TMPRSS2: variants seen among roughly 807,000 people sequenced by gnomAD.
TMPRSS2 encodes transmembrane serine protease 2, also known as transmembrane protease serine 2.
Under a neutral mutation model 67.4 loss-of-function variants are expected in TMPRSS2, and 59 were observed. The observed-to-expected ratio is 0.88, with a 90% CI of 0.71 to 1.09. TMPRSS2 has a LOEUF of 1.09. Ranked by LOEUF, TMPRSS2 falls within the 50% of genes least tolerant of loss-of-function variation. The pLI is 0.00. For missense variants in TMPRSS2, 668 were observed against 642.7 expected, an observed-to-expected ratio of 1.04 and a Z score of -0.43; for synonymous variants, 257 against 257.0, an observed-to-expected ratio of 1.00 and a Z score of 0.00.
At chr21:41,473,251 G>A in intron 9 of TMPRSS2, 74 bp downstream of exon 9, 1 of 1,469,322 alleles carries the variant, frequency 6.8e-7, no homozygotes, top group South Asian at 1.3e-5. Context: ...CAAGGGTTGA[G>A]ACCTGCTCAA....
chr21:41,464,839 A>G lies in TMPRSS2; in HGVS notation c.*1303T>C, dbSNP rs1159577028. 8.6e-6 allele frequency: 2 copies of G among 233,196 alleles called. No individual in the cohort carries two copies. The highest frequency in any genetic ancestry group is 4.4e-5 in the African/African-American group (2 of 45,350). 14.4% of individuals were successfully genotyped at this position (233,196 alleles called of 1,614,324 possible). On this transcript the variant is annotated 3_prime_UTR_variant, in exon 14 of 14. Transcript: ENST00000332149. ...TGGGATTGCATGACTTTCCATTTCAAGGTTAAGTCCTAGCTGTAGAATCAT... is the reference window on the plus strand; with the variant it reads ...TGGGATTGCATGACTTTCCATTTCAGGGTTAAGTCCTAGCTGTAGAATCAT...
chr21:41,502,611 G>A (rs771663515), intron 1 of TMPRSS2: 80 of 983,910 alleles, frequency 8.1e-5, no homozygotes, highest in Non-Finnish European at 9.4e-5. Flanking sequence ...TATACAACGA[G>A]ATGTTCTATC....
At chr21:41,506,999 A>G (rs1233325219) in intron 1 of TMPRSS2, among the ~76,000 whole-genome samples, 1 of 152,062 alleles carries the variant, frequency 6.6e-6, no homozygotes, top group African/African-American at 2.4e-5. Flanking sequence ...CCGCCGTGCT[A>G]TCCTTTCCTT....
chr21:41,467,995 G>A (rs868474926), intron 12 of TMPRSS2, 109 bp from the exon 13 acceptor site: 9 of 1,217,378 alleles, frequency 7.4e-6, no homozygotes, highest in South Asian at 5.5e-5. Context: ...TGTGAGTTAC[G>A]AGTGACTGTG....
intron 4 of TMPRSS2, among the ~76,000 whole-genome samples, chr21:41,489,047 T>C (rs1472866130): frequency 3.9e-5 from 6 of 152,156 alleles, no homozygotes; most frequent in African/African-American, 1.4e-4. Context: ...AAGGACCCTC[T>C]CAGTGTTTGG....
chr21:41,475,526 GGGGGTGA>G (rs2091200674), intron 8 of TMPRSS2, among the ~76,000 whole-genome samples: 1 of 31,524 alleles, frequency 3.2e-5, no homozygotes, highest in Non-Finnish European at 6.6e-5. Context: ...TGGTGAGTGA[GGGGGTGA>G]AGGGTGAGTG....
chr21:41,508,116 C>T lies in TMPRSS2; in HGVS notation c.-92G>A. On this transcript the variant is annotated 5_prime_UTR_variant, in exon 1 of 14. Transcript: ENST00000332149. ...CCAGGCGGCGCTCCCCGCCCCTCGC[C>T]CTCCGCCTCCGCCTCCGCCTCCTGC... 2.2e-6 allele frequency: 2 copies of T among 889,788 alleles called. No homozygotes were observed. The highest frequency in any genetic ancestry group is 3.0e-6 in the Non-Finnish European group (2 of 656,594). The allele number at this position is 889,788 out of a possible 1,614,324, so 55.1% of individuals were successfully genotyped here. A position where few individuals can be genotyped will look rare whatever the true frequency, so the allele number is the denominator to read the frequency against.
At chr21:41,495,539 T>G (rs1451835869) in intron 2 of TMPRSS2, among the ~76,000 whole-genome samples, 1 of 150,712 alleles carries the variant, frequency 6.6e-6, no homozygotes, top group African/African-American at 2.4e-5. Context: ...GCGGGAGAAT[T>G]GCTTGAACCC....
chr21:41,490,482 CAG>C (rs2091327605), intron 3 of TMPRSS2, among the ~76,000 whole-genome samples: 1 of 152,232 alleles, frequency 6.6e-6, no homozygotes, highest in African/African-American at 2.4e-5. Context: ...CCATGTCAGA[CAG>C]TGCAGCTGTA....
chr21:41,499,600 T>C (rs2091409741), intron 1 of TMPRSS2, among the ~76,000 whole-genome samples: 1 of 151,718 alleles, frequency 6.6e-6, no homozygotes, highest in Non-Finnish European at 1.5e-5. Context: ...CCCTTACCCT[T>C]GATGTTTTCT....
chr21:41,502,224 C>T (rs1001007975), intron 1 of TMPRSS2, among the ~76,000 whole-genome samples: 1 of 152,202 alleles, frequency 6.6e-6, no homozygotes, highest in Non-Finnish European at 1.5e-5. Flanking sequence ...AATCTTTTCT[C>T]CTAGTTTCTC....
chr21:41,501,070 A>G (rs576510757), intron 1 of TMPRSS2, among the ~76,000 whole-genome samples: 8 of 152,332 alleles, frequency 5.3e-5, no homozygotes, highest in African/African-American at 1.9e-4. Context: ...AAAGGAGTGA[A>G]GAATCAATAC....
intron 5 of TMPRSS2, among the ~76,000 whole-genome samples, chr21:41,484,710 T>C (rs1384604803): frequency 6.6e-6 from 1 of 152,180 alleles, no homozygotes; most frequent in Non-Finnish European, 1.5e-5. Flanking sequence ...ACCTAGCAGT[T>C]CTACTCCTGG....
In TMPRSS2 at chr21:41,505,335, G is replaced by A. The variant is rs186418926; in HGVS notation, c.-57+2746C>T. On this transcript the variant is annotated intron_variant, in intron 1 of 13. Coordinates refer to ENST00000332149, the MANE Select transcript of TMPRSS2 (RefSeq NM_005656.4). ...CCATATTATTACGAAGATCCCCTAG[G>A]GAATCTTGCCGCAGATTCAGGTGGA... Among the ~76,000 whole-genome samples, 244 of 152,280 alleles carry A rather than the reference G, an allele frequency of 1.6e-3. 2 individuals carry two copies. The highest frequency in any genetic ancestry group is 9.6e-4 in the Non-Finnish European group (65 of 68,014).
At position 41,476,644 on chromosome 21, in the gene TMPRSS2, C is replaced by G. The variant is rs199999942; in HGVS notation, c.684-24G>C. On this transcript the variant is annotated intron_variant, in intron 7 of 13. Coordinates refer to ENST00000332149, the MANE Select transcript of TMPRSS2 (RefSeq NM_005656.4). ...CACTGCAAAAAGAACAGGGGAAATT[C>G]TGGTCACGATAGTGCGGAGTCACCT... The G allele has an allele frequency of 3.3e-5, 53 of 1,610,742 alleles. 1 individual carries two copies. In the Admixed American group the frequency reaches 8.7e-4, roughly 26 times the overall value.
At position 41,498,115 on chromosome 21, in the gene TMPRSS2, T is replaced by G. The variant is rs1219052388; in HGVS notation, c.15+4A>C. The G allele has an allele frequency of 6.2e-7, 1 of 1,604,452 alleles. No individual in the cohort carries two copies. Among genetic ancestry groups the G allele is most frequent in the South Asian group, 1.1e-5 (1 of 90,464 alleles). On this transcript the variant is annotated splice_donor_region_variant and intron_variant, in intron 2 of 13. Coordinates refer to ENST00000332149, the MANE Select transcript of TMPRSS2 (RefSeq NM_005656.4). ...GGCCAGGAAGGTAATAATTAACCACTTACTGAGTTCAAAGCCATCTTGCTG... is the reference window on the plus strand; with the variant it reads ...GGCCAGGAAGGTAATAATTAACCACGTACTGAGTTCAAAGCCATCTTGCTG...
In TMPRSS2 at chr21:41,466,153, C is replaced by T. The variant is rs2091081431; in HGVS notation, c.1468G>A (p.Ala490Thr). The T allele has an allele frequency of 6.2e-7, 1 of 1,613,854 alleles. No homozygotes were observed. The highest frequency in any genetic ancestry group is 2.2e-5 in the East Asian group (1 of 44,860). ...GAAGACCATGTGGATTAGCCGTCTG[C>T]CTGTTCAAATAGGAAAAAAAAAAGT... ...FTDWIYRQMRADG is the reference protein window; with the variant it reads ...FTDWIYRQMRTDG Residue 490 changes from alanine to threonine, a missense_variant and splice_region_variant, in exon 14 of 14, where the codon GCA becomes ACA. Physicochemically the swap from Ala to Thr is moderately conservative, Grantham distance 58 (BLOSUM62 0). Transcript: ENST00000332149.
intron 9 of TMPRSS2, 72 bp from the exon 10 acceptor site, chr21:41,472,053 C>A: frequency 7.0e-7 from 1 of 1,432,234 alleles, no homozygotes; most frequent in Non-Finnish European, 9.3e-7. Flanking sequence ...CTTCCAACGT[C>A]AGAAGCTGGA....
intron 1 of TMPRSS2, chr21:41,506,503 A>G (rs2091458862): frequency 6.6e-6 from 1 of 152,254 alleles, no homozygotes; most frequent in Non-Finnish European, 1.5e-5. Context: ...AGCACTCAGT[A>G]AAGGTGGGGA....
Sources: allele counts gnomAD v4.1 joint callset (sites outside exome capture counted in the v4.1 genomes callset), GRCh38; gene constraint gnomAD v4.1.1; transcripts MANE v1.5; gene names NCBI Gene and HGNC (gene_info 2026-07-23, HGNC 2026-07-21).